Variants in HERC3 observed in about 807,000 individuals in gnomAD.
HERC3 encodes the protein HECT and RLD domain containing E3 ubiquitin protein ligase 3.
A neutral mutation model predicts 129.9 loss-of-function variants in HERC3; 58 were observed. The observed-to-expected ratio is 0.45, with a 90% CI of 0.36 to 0.56. HERC3 has a LOEUF of 0.56. Ranked by LOEUF, HERC3 falls within the 20% of genes least tolerant of loss-of-function variation. The pLI is 0.00. For synonymous variants in HERC3, 430 were observed against 451.0 expected, an observed-to-expected ratio of 0.95 and a Z score of 0.59; for missense variants, 835 against 1,244.2, an observed-to-expected ratio of 0.67 and a Z score of 4.95.
At chr4:88,558,680 G>A in the HERC3 span, among the ~76,000 whole-genome samples, 4 of 152,050 alleles carry the variant, frequency 2.6e-5, no homozygotes, top group Non-Finnish European at 5.9e-5. Flanking sequence ...TTCTCATTGA[G>A]AGGCCAGGCG....
the HERC3 span, among the ~76,000 whole-genome samples, chr4:88,551,287 T>C: frequency 6.6e-6 from 1 of 151,098 alleles, no homozygotes; most frequent in Admixed American, 6.6e-5. Context: ...ACAAATGGGA[T>C]CTAATTAAAC....
Position 88,668,057 on chromosome 4 carries a change from G to A in HERC3, c.1609G>A (p.Asp537Asn), listed in dbSNP as rs1396014069. The change falls in exon 14 of 26, where the codon GAT becomes AAT. Residue 537 changes from aspartate (D) to asparagine (N), a missense_variant. Physicochemically the swap from Asp to Asn is conservative, Grantham distance 23. Coordinates refer to ENST00000402738, the MANE Select transcript of HERC3 (RefSeq NM_014606.3). ...IPLAMAILRLDTNPSKVLDNW... is the reference protein window; with the variant it reads ...IPLAMAILRLNTNPSKVLDNW... ...CTTGGCTATGGCCATTCTTCGGCTG[G>A]ATACAAACCCCAGCAAAGTACTAGG... 6.2e-7 allele frequency: 1 copy of A among 1,613,430 alleles called. No homozygotes were observed. Among genetic ancestry groups the A allele is most frequent in the Non-Finnish European group, 8.5e-7 (1 of 1,179,634 alleles).
intron 3 of HERC3, among the ~76,000 whole-genome samples, chr4:88,606,751 C>T (rs1231856481): frequency 6.6e-6 from 1 of 152,134 alleles, no homozygotes; most frequent in East Asian, 1.9e-4. Context: ...ATGAGAACAG[C>T]ACAGGAAAGA....
chr4:88,526,378 T>C, the HERC3 span, among the ~76,000 whole-genome samples: 41 of 152,280 alleles, frequency 2.7e-4, no homozygotes, highest in African/African-American at 9.6e-4. Flanking sequence ...TTTGTGAACC[T>C]GCAATCCAAA....
chr4:88,591,262 C>T (rs543510577), upstream of HERC3, among the ~76,000 whole-genome samples: 14 of 152,276 alleles, frequency 9.2e-5, no homozygotes, highest in African/African-American at 3.4e-4. Flanking sequence ...CTTAGATGAC[C>T]TGATAACTTA....
At chr4:88,689,253 C>T (rs981835156) in intron 23 of HERC3, among the ~76,000 whole-genome samples, 5 of 151,768 alleles carry the variant, frequency 3.3e-5, no homozygotes, top group African/African-American at 1.2e-4. Context: ...GCCTGTAATT[C>T]CAGAACTTTG....
intron 3 of HERC3, among the ~76,000 whole-genome samples, chr4:88,610,828 C>T (rs1231685961): frequency 1.3e-5 from 2 of 152,248 alleles, no homozygotes; most frequent in South Asian, 2.1e-4. Context: ...AGACATTTCT[C>T]TAGCACAGCC....
In HERC3 at chr4:88,704,236, T is replaced by A; in HGVS notation, c.2796T>A (p.Ala932=). The A allele has an allele frequency of 6.2e-7, 1 of 1,614,138 alleles. No homozygotes were observed. The highest frequency in any genetic ancestry group is 8.5e-7 in the Non-Finnish European group (1 of 1,180,016). ...TCTTCCAGCCTTCAGAACTGAGGGC[T>A]ATGATGGTGGGGAACAGCAACTACA... The part of the protein sequence containing the change: ...LELFQPSELR[A]MMVGNSNYNW... The change falls in exon 24 of 26, where the codon GCT becomes GCA. Residue 932 remains alanine, a synonymous_variant. Transcript: ENST00000402738.
Position 88,668,100 on chromosome 4 carries a change from A to G in HERC3, c.1633+19A>G, listed in dbSNP as rs368473209. On this transcript the variant is annotated intron_variant, in intron 14 of 25. Transcript: ENST00000402738. ...GTACTAGGTGAATTTGCTAACCTCG[A>G]TATCAGTGGTTTTATGGTCATTTGT... The G allele has an allele frequency of 2.3e-5, 36 of 1,594,492 alleles. No homozygotes were observed. The highest frequency in any genetic ancestry group is 2.8e-5 in the Non-Finnish European group (33 of 1,164,248).
In HERC3 at chr4:88,667,491, A is replaced by G; in HGVS notation, c.1443+3A>G. ...AGCACTCCATGATTCTAGAACAGGTATGTTTCTATATTTGTAAAGTGCATT... is the reference window on the plus strand; with the variant it reads ...AGCACTCCATGATTCTAGAACAGGTGTGTTTCTATATTTGTAAAGTGCATT... On this transcript the variant is annotated splice_donor_region_variant and intron_variant, in intron 13 of 25. Coordinates refer to ENST00000402738, the MANE Select transcript of HERC3 (RefSeq NM_014606.3). 1.3e-6 allele frequency: 2 copies of G among 1,483,710 alleles called. No homozygotes were observed. The highest frequency in any genetic ancestry group is 1.9e-6 in the Non-Finnish European group (2 of 1,080,576). 91.9% of individuals were successfully genotyped at this position (1,483,710 alleles called of 1,614,324 possible).
At chr4:88,646,991 A>G (rs1319917678) in intron 3 of HERC3, among the ~76,000 whole-genome samples, 1 of 152,082 alleles carries the variant, frequency 6.6e-6, no homozygotes, top group Non-Finnish European at 1.5e-5. Flanking sequence ...CCTCTACTCA[A>G]CTACTTACTT....
the HERC3 span, among the ~76,000 whole-genome samples, chr4:88,570,828 A>G: frequency 6.6e-6 from 1 of 151,832 alleles, no homozygotes; most frequent in African/African-American, 2.4e-5. Flanking sequence ...GCTTGAGTGC[A>G]CTGCAAGCTC....
At chr4:88,570,782 ATTTAT>A in the HERC3 span, among the ~76,000 whole-genome samples, 2 of 105,788 alleles carry the variant, frequency 1.9e-5, no homozygotes, top group South Asian at 6.0e-4. Context: ...TTATTTATTT[ATTTAT>A]TTTGAGACTG....
intron 16 of HERC3, among the ~76,000 whole-genome samples, chr4:88,675,612 TG>T (rs1732078362): frequency 6.6e-6 from 1 of 152,024 alleles, no homozygotes; most frequent in Non-Finnish European, 1.5e-5. Flanking sequence ...ATTGTGGTTG[TG>T]GGTTTTTTAC....
the HERC3 span, among the ~76,000 whole-genome samples, chr4:88,549,819 C>T: frequency 6.6e-6 from 1 of 151,936 alleles, no homozygotes; most frequent in African/African-American, 2.4e-5. Flanking sequence ...ATTATCCTGC[C>T]TCAGTGTGAG....
chr4:88,552,300 G>A, the HERC3 span, among the ~76,000 whole-genome samples: 3 of 151,268 alleles, frequency 2.0e-5, no homozygotes, highest in African/African-American at 4.9e-5. Flanking sequence ...AAAAAGTCTC[G>A]TTTTCCTCTG....
chr4:88,608,708 T>G (rs1723947020), intron 3 of HERC3, among the ~76,000 whole-genome samples: 1 of 152,224 alleles, frequency 6.6e-6, no homozygotes, highest in Non-Finnish European at 1.5e-5. Flanking sequence ...AACTCACTTG[T>G]GTCTCACATT....
rs573468802 is a variant in HERC3, at chr4:88,638,661, T to A, written c.227-11179T>A. Among the ~76,000 whole-genome samples, 28 of 152,326 alleles carry A rather than the reference T, an allele frequency of 1.8e-4. No homozygotes were observed. In the East Asian group the frequency reaches 5.0e-3, roughly 27 times the overall value. Reference sequence around the variant, plus strand: ...ACTGAATAGGCAAAAGCTGGAAGCATTCCCTTTGAAAACTGGCACAAGACA... The same window carrying A: ...ACTGAATAGGCAAAAGCTGGAAGCAATCCCTTTGAAAACTGGCACAAGACA... On this transcript the variant is annotated intron_variant, in intron 3 of 25. Transcript: ENST00000402738.
intron 10 of HERC3, among the ~76,000 whole-genome samples, chr4:88,661,372 A>G (rs989046024): frequency 9.2e-5 from 14 of 152,260 alleles, no homozygotes; most frequent in African/African-American, 3.1e-4. Flanking sequence ...GTTTTATTAC[A>G]TGCTCTACTC....
Sources: gnomAD v4.1 joint callset for allele counts (sites outside exome capture counted in the v4.1 genomes callset) on GRCh38, gnomAD v4.1.1 for gene constraint, MANE v1.5 for transcripts, NCBI Gene and HGNC (gene_info 2026-07-23, HGNC 2026-07-21) for gene names.